Variants in PCDHA9 observed in about 807,000 individuals in gnomAD.
PCDHA9 encodes protocadherin alpha 9.
A neutral mutation model predicts 62.0 loss-of-function variants in PCDHA9; 62 were observed. The ratio of observed to expected loss-of-function variants is 1.00; its 90% CI spans 0.81 to 1.23. The LOEUF (loss-of-function observed/expected upper bound fraction) is 1.23. PCDHA9 is among the 50% of genes most tolerant of loss of function. The pLI, the probability that PCDHA9 is intolerant of heterozygous loss-of-function variation, is 0.00. For missense variants in PCDHA9, 1,205 were observed against 1,249.8 expected (o/e 0.96, Z 0.54); for synonymous variants, 557 against 567.6 (o/e 0.98, Z 0.27).
chr5:140,980,819 A>C (rs1178317133), intron 2 of PCDHA9, among the ~76,000 whole-genome samples: 1 of 152,216 alleles, frequency 6.6e-6, no homozygotes, highest in East Asian at 1.9e-4. Context: ...TGAACATATT[A>C]AATGAGTTGT....
At chr5:140,902,729 C>T (rs1554190627) in intron 1 of PCDHA9, among the ~76,000 whole-genome samples, 1 of 152,068 alleles carries the variant, frequency 6.6e-6, no homozygotes, top group East Asian at 1.9e-4. Flanking sequence ...CCCTTCCCTC[C>T]AAGTCCCCCA....
intron 1 of PCDHA9, among the ~76,000 whole-genome samples, chr5:140,959,109 G>A (rs1401809702): frequency 1.3e-5 from 2 of 152,040 alleles, no homozygotes; most frequent in African/African-American, 4.8e-5. Context: ...GCAGGGGTCC[G>A]AAGGTGGGCG....
intron 1 of PCDHA9, chr5:140,858,620 C>G: frequency 1.8e-6 from 2 of 1,142,316 alleles, no homozygotes; most frequent in East Asian, 5.1e-5. Flanking sequence ...TTATCCTACC[C>G]AGTGTGTCAG....
chr5:140,967,279 T>C, intron 1 of PCDHA9: 1 of 1,613,002 alleles, frequency 6.2e-7, no homozygotes, highest in South Asian at 1.1e-5. Context: ...ACATAGAGAG[T>C]GCGCAGGACC....
At chr5:140,904,692 A>G (rs1484371560) in intron 1 of PCDHA9, among the ~76,000 whole-genome samples, 1 of 152,126 alleles carries the variant, frequency 6.6e-6, no homozygotes, top group Non-Finnish European at 1.5e-5. Context: ...GCAGTGTAAA[A>G]TTGTTCCCTT....
intron 1 of PCDHA9, chr5:140,854,216 A>T (rs1332746944): frequency 4.7e-6 from 3 of 633,232 alleles, no homozygotes; most frequent in Non-Finnish European, 5.9e-6. Flanking sequence ...TCAATATTGG[A>T]CATCTACATT....
At chr5:140,997,563 A>G (rs891862395) in intron 3 of PCDHA9, among the ~76,000 whole-genome samples, 7 of 152,202 alleles carry the variant, frequency 4.6e-5, no homozygotes, top group Non-Finnish European at 8.8e-5. Context: ...GACAACTGTC[A>G]TATGTGTGGT....
chr5:140,979,303 C>T (rs1048294748), intron 2 of PCDHA9, among the ~76,000 whole-genome samples: 5 of 152,148 alleles, frequency 3.3e-5, no homozygotes, highest in East Asian at 3.8e-4. Context: ...CTCCTTCATC[C>T]CTCTCTACCT....
intron 3 of PCDHA9, among the ~76,000 whole-genome samples, chr5:140,995,186 A>T (rs2097669011): frequency 6.6e-6 from 1 of 152,132 alleles, no homozygotes; most frequent in Non-Finnish European, 1.5e-5. Flanking sequence ...ACCTATGATA[A>T]AGTTTAATTT....
At chr5:140,951,543 CG>C (rs1201907714) in intron 1 of PCDHA9, among the ~76,000 whole-genome samples, 2 of 151,550 alleles carry the variant, frequency 1.3e-5, no homozygotes, top group Admixed American at 1.3e-4. Flanking sequence ...GAGCAAGGGA[CG>C]GGGGGAAGTG....
chr5:140,941,202 C>CTTT (rs1554213921), intron 1 of PCDHA9, among the ~76,000 whole-genome samples: 9,869 of 122,696 alleles, frequency 0.08, 560 homozygotes, highest in East Asian at 0.13. Flanking sequence ...TTTCTTTCTT[C>CTTT]CTTTCTTTCT....
intron 1 of PCDHA9, among the ~76,000 whole-genome samples, chr5:140,936,014 T>C (rs1405282987): frequency 4.0e-5 from 6 of 151,334 alleles, no homozygotes; most frequent in Non-Finnish European, 8.8e-5. Flanking sequence ...CACCTCAGCC[T>C]CCCGAGTAGC....
In PCDHA9 at chr5:140,852,553, G is replaced by A. The variant is rs1414701990; in HGVS notation, c.2394+1664G>A. On this transcript the variant is annotated intron_variant, in intron 1 of 3. Coordinates refer to ENST00000532602, the MANE Select transcript of PCDHA9 (RefSeq NM_031857.2). ...GGCCTCCCAAAGTGCTGGGATTAAA[G>A]CTGTGAGCCACTGTGCCAAGGCTTT... is the stretch of plus-strand genomic sequence containing the variant. 2.0e-5 allele frequency: 13 copies of A among 647,952 alleles called. 1 individual carries two copies. The highest frequency in any genetic ancestry group is 2.2e-5 in the Non-Finnish European group (11 of 508,652). The allele number at this position is 647,952 out of a possible 1,614,324, so 40.1% of individuals were successfully genotyped here.
chr5:140,947,401 G>A (rs1314695904), intron 1 of PCDHA9, among the ~76,000 whole-genome samples: 1 of 151,652 alleles, frequency 6.6e-6, no homozygotes, highest in Non-Finnish European at 1.5e-5. Flanking sequence ...AAAGTAGACT[G>A]TCTTGATATT....
chr5:141,001,286 A>G (rs1375093882), intron 3 of PCDHA9, among the ~76,000 whole-genome samples: 1 of 152,160 alleles, frequency 6.6e-6, no homozygotes, highest in Non-Finnish European at 1.5e-5. Context: ...TACGGATGAA[A>G]ACTGAGGCCC....
chr5:140,863,521 G>T, intron 1 of PCDHA9: 1 of 397,734 alleles, frequency 2.5e-6, no homozygotes, highest in Non-Finnish European at 4.9e-6. Context: ...GTTCTCCCAT[G>T]GTTCAGATTT....
intron 1 of PCDHA9, among the ~76,000 whole-genome samples, chr5:140,879,660 G>A (rs994440632): frequency 1.3e-5 from 2 of 152,154 alleles, no homozygotes; most frequent in East Asian, 1.9e-4. Flanking sequence ...TATAACAAAC[G>A]AACACAAACT....
intron 1 of PCDHA9, among the ~76,000 whole-genome samples, chr5:140,890,852 C>G (rs2153432069): frequency 6.6e-6 from 1 of 152,254 alleles, no homozygotes; most frequent in South Asian, 2.1e-4. Flanking sequence ...TGTTTCTCTT[C>G]CTTACTTCTT....
intron 1 of PCDHA9, among the ~76,000 whole-genome samples, chr5:140,900,465 C>T (rs936722061): frequency 1.3e-5 from 2 of 152,156 alleles, no homozygotes; most frequent in Admixed American, 1.3e-4. Context: ...TTAGTAGACA[C>T]GGAGTTTCTC....
Sources: gnomAD v4.1 joint callset for allele counts (sites outside exome capture counted in the v4.1 genomes callset) on GRCh38, gnomAD v4.1.1 for gene constraint, MANE v1.5 for transcripts, NCBI Gene and HGNC (gene_info 2026-07-23, HGNC 2026-07-21) for gene names.